The following EHMT1 variants were observed in gnomAD, a reference collection of about 807,000 sequenced individuals.
EHMT1 encodes the protein histone-lysine N-methyltransferase EHMT1.
A neutral mutation model predicts 147.2 loss-of-function variants in EHMT1; 15 were observed. The ratio of observed to expected loss-of-function variants is 0.10; its 90% confidence interval spans 0.07 to 0.16. The LOEUF (loss-of-function observed/expected upper bound fraction) is 0.16, where lower values mean the gene tolerates loss of function less well. Among genes scored for constraint, EHMT1 ranks in the 10% least tolerant of loss-of-function variants. The pLI, the probability that EHMT1 is intolerant of heterozygous loss-of-function variation, is 1.00. For synonymous variants in EHMT1, 795 were observed against 709.6 expected, an observed-to-expected ratio of 1.12 and a Z score of -1.91; for missense variants, 1,587 against 1,772.4, an observed-to-expected ratio of 0.90 and a Z score of 1.88.
chr9:137,738,199 AAAC>A (rs1204741217), intron 4 of EHMT1, among the ~76,000 whole-genome samples: 4 of 150,834 alleles, frequency 2.7e-5, no homozygotes, highest in African/African-American at 4.9e-5. Context: ...GTCTCAAAAA[AAAC>A]AACAACAAAA....
At chr9:137,676,204 G>T (rs1241799238) in intron 1 of EHMT1, 1 of 152,076 alleles carries the variant, frequency 6.6e-6, no homozygotes, top group East Asian at 1.9e-4. Context: ...ACAGGCGTGA[G>T]CCACCGCGCC....
intron 1 of EHMT1, among the ~76,000 whole-genome samples, chr9:137,654,959 C>A (rs1938276476): frequency 1.3e-5 from 2 of 150,484 alleles, no homozygotes; most frequent in Non-Finnish European, 3.0e-5. Flanking sequence ...TCAGGGACTG[C>A]AGCAGGAAGG....
At chr9:137,801,096 C>A in intron 18 of EHMT1, 112 bp downstream of exon 18, 1 of 921,110 alleles carries the variant, frequency 1.1e-6, no homozygotes, top group Non-Finnish European at 1.7e-6. Flanking sequence ...GCGGCTTTGA[C>A]CTCTTCCTGT....
chr9:137,834,335 T>G lies in EHMT1; in HGVS notation c.3541-14T>G, dbSNP rs1384802694. The G allele has an allele frequency of 1.2e-5, 19 of 1,612,286 alleles. No homozygotes were observed. The highest frequency in any genetic ancestry group is 1.6e-5 in the Non-Finnish European group (19 of 1,179,676). On this transcript the variant is annotated splice_polypyrimidine_tract_variant and intron_variant, in intron 25 of 26. Coordinates refer to ENST00000460843, the MANE Select transcript of EHMT1 (RefSeq NM_024757.5). ...CTTGCTAACTGCAGCCCGTGCCGGC[T>G]TCTCGCCCTGCAGGACGGGGAGGTT...
In EHMT1 at chr9:137,798,925, C is replaced by T. The variant is rs1953195166; in HGVS notation, c.2607+11C>T. On this transcript the variant is annotated intron_variant, in intron 17 of 26. Transcript: ENST00000460843. Reference sequence around the variant, plus strand: ...GACGTCAACTGTCAGGTACAGCCACCCCCTCCCCTTAGCAGTACACTGTGT... The same window carrying T: ...GACGTCAACTGTCAGGTACAGCCACTCCCTCCCCTTAGCAGTACACTGTGT... 1.9e-6 allele frequency: 3 copies of T among 1,603,530 alleles called. No homozygotes were observed. The highest frequency in any genetic ancestry group is 4.5e-5 in the East Asian group (2 of 44,832).
rs940029570 is a variant in EHMT1 at position 137,732,358 on chromosome 9, G to A, written c.823+3829G>A. Among the ~76,000 whole-genome samples the A allele has an allele frequency of 4.6e-5, 7 of 152,248 alleles. No homozygotes were observed. The highest frequency in any genetic ancestry group is 6.5e-5 in the Admixed American group (1 of 15,286). On this transcript the variant is annotated intron_variant, in intron 4 of 26. Coordinates refer to ENST00000460843, the MANE Select transcript of EHMT1 (RefSeq NM_024757.5). This position sits in a 1 kb window ranked among gnomAD's most constrained non-coding sequence, Gnocchi z 4.6. The stretch of plus-strand genomic sequence containing the variant: ...CCTTTTTGCACCCGCTGTTGCGTGG[G>A]TCCCGAGTTCTTGTCTTGGGTCCAG...
chr9:137,728,452 T>C lies in EHMT1; in HGVS notation c.746T>C (p.Leu249Pro). 1 of 1,614,042 alleles carries C rather than the reference T, an allele frequency of 6.2e-7. No homozygotes were observed. The highest frequency in any genetic ancestry group is 8.5e-7 in the Non-Finnish European group (1 of 1,179,964). ...KNISDFGRQQ[L>P]LPPFPSLHQS... ...ATTTCTGACTTTGGACGACAGCAGC[T>C]TTTACCCCCCTTCCCATCCCTTCAT... is the stretch of plus-strand genomic sequence containing the variant. The change falls in exon 4 of 27, where the codon CTT becomes CCT. Residue 249 changes from leucine to proline, a missense_variant. Leu to Pro is a moderately conservative substitution (Grantham distance 98). This residue lies in a region of EHMT1 where 810 missense variants were observed against 673.0 expected (regional missense o/e 1.20). Coordinates refer to ENST00000460843, the MANE Select transcript of EHMT1 (RefSeq NM_024757.5).
At position 137,776,556 on chromosome 9, in the gene EHMT1, T is replaced by C. The variant is rs1950975786; in HGVS notation, c.1792-62T>C. On this transcript the variant is annotated intron_variant, in intron 11 of 26. Coordinates refer to ENST00000460843, the MANE Select transcript of EHMT1 (RefSeq NM_024757.5). This position sits in a 1 kb window ranked among gnomAD's most constrained non-coding sequence, Gnocchi z 4.4. ...GATGCGGTGCCAGTTTAGTAGTACT[T>C]TATTTTTCTAAATATTAACCCCAAT... 1.3e-6 allele frequency: 2 copies of C among 1,563,108 alleles called. No individual in the cohort carries two copies. The highest frequency in any genetic ancestry group is 2.7e-5 in the African/African-American group (2 of 73,372).
chr9:137,626,095 G>A (rs1194834087), intron 1 of EHMT1, among the ~76,000 whole-genome samples: 1 of 149,760 alleles, frequency 6.7e-6, no homozygotes, highest in Non-Finnish European at 1.5e-5. Flanking sequence ...TCAAACTCCT[G>A]ACCTCAGGTG....
intron 4 of EHMT1, among the ~76,000 whole-genome samples, chr9:137,736,157 A>G (rs1947512629): frequency 6.6e-6 from 1 of 152,254 alleles, no homozygotes; most frequent in Admixed American, 6.5e-5. Context: ...GGTGGCTATC[A>G]GACAAAATTT....
chr9:137,781,721 A>G (rs1376341622), intron 14 of EHMT1, among the ~76,000 whole-genome samples: 1 of 152,224 alleles, frequency 6.6e-6, no homozygotes, highest in Admixed American at 6.5e-5. Flanking sequence ...AAGGATGATT[A>G]AGAAGCCCTT....
rs915446972 is a variant in EHMT1, at chr9:137,834,080, C to T, written c.3541-269C>T. On this transcript the variant is annotated intron_variant, in intron 25 of 26. Coordinates refer to ENST00000460843, the MANE Select transcript of EHMT1 (RefSeq NM_024757.5). ...CCGCGCTGGAAGCCCCATGGGGACG[C>T]CGTCAAGGGAACGGCCCGCACCACC... 5 of 549,854 alleles carry T rather than the reference C, an allele frequency of 9.1e-6. No individual in the cohort carries two copies. The African/African-American group carries it at 9.5e-5, about 10-fold the overall frequency. The allele number at this position is 549,854 out of a possible 1,614,324, so 34.1% of individuals were successfully genotyped here.
chr9:137,665,410 C>T (rs1939526029), intron 1 of EHMT1, among the ~76,000 whole-genome samples: 1 of 152,166 alleles, frequency 6.6e-6, no homozygotes, highest in Non-Finnish European at 1.5e-5. Context: ...CCTGGAGCTA[C>T]TCCTTGTGGC....
rs886063735 is a variant in EHMT1, at chr9:137,717,091, C to G, written c.551C>G (p.Ala184Gly). The G allele has an allele frequency of 6.2e-7, 1 of 1,612,046 alleles. No homozygotes were observed. The highest frequency in any genetic ancestry group is 8.5e-7 in the Non-Finnish European group (1 of 1,179,484). The change falls in exon 3 of 27, where the codon GCT (alanine) becomes GGT (glycine). Residue 184 changes from alanine (A) to glycine (G), a missense_variant. Ala to Gly is a moderately conservative substitution (Grantham distance 60, BLOSUM62 0). Around this residue, in one of 7 missense-constraint regions of EHMT1, gnomAD observed 810 missense variants for 673.0 expected, o/e 1.20. Transcript: ENST00000460843. The stretch of plus-strand genomic sequence containing the variant: ...CCAGCCACCCTTGGGGAGGGGAGTG[C>G]TGACACAGAGGACAGGAAGCTCCCG... ...APPATLGEGS[A>G]DTEDRKLPAP...
chr9:137,797,421 T>C (rs1340725623), intron 16 of EHMT1, among the ~76,000 whole-genome samples: 5 of 152,170 alleles, frequency 3.3e-5, no homozygotes, highest in Non-Finnish European at 1.5e-5. Flanking sequence ...CTAAGCTTCC[T>C]TTGCTGGCGT....
intron 18 of EHMT1, among the ~76,000 whole-genome samples, chr9:137,804,181 C>T (rs1171099290): frequency 2.0e-5 from 3 of 152,190 alleles, no homozygotes; most frequent in African/African-American, 4.8e-5. Context: ...AGGTCCCTCC[C>T]TTGACACATG....
intron 25 of EHMT1, chr9:137,834,114 A>G: frequency 1.7e-6 from 1 of 601,146 alleles, no homozygotes. Context: ...CCCCCACCCC[A>G]CCACAGACGG....
intron 13 of EHMT1, among the ~76,000 whole-genome samples, chr9:137,778,359 C>T (rs969826615): frequency 6.6e-6 from 1 of 152,270 alleles, no homozygotes; most frequent in African/African-American, 2.4e-5. Flanking sequence ...AGAGCAGACA[C>T]TGCTTCTGCT....
chr9:137,707,837 G>A (rs1944395172), intron 1 of EHMT1, among the ~76,000 whole-genome samples: 1 of 152,138 alleles, frequency 6.6e-6, no homozygotes. Flanking sequence ...TGTAGACCCC[G>A]GCAGCCTCAC....
Sources: gnomAD v4.1 joint callset for allele counts (sites outside exome capture counted in the v4.1 genomes callset) on GRCh38, gnomAD v4.1.1 for gene constraint, gnomAD v4.1.1 regional missense constraint, Gnocchi (gnomAD v3.1) non-coding constraint, MANE v1.5 for transcripts, NCBI Gene and HGNC (gene_info 2026-07-23, HGNC 2026-07-21) for gene names.